IQCK: variants seen among roughly 807,000 people sequenced by gnomAD.
The protein encoded by IQCK is IQ domain-containing protein K.
Under a neutral mutation model 28.1 loss-of-function variants are expected in IQCK, and 29 were observed. The ratio of observed to expected loss-of-function variants is 1.03; its 90% confidence interval spans 0.77 to 1.41. The LOEUF (loss-of-function observed/expected upper bound fraction) is 1.41, where lower values mean the gene tolerates loss of function less well. Among genes scored for constraint, IQCK ranks in the 40% most tolerant of loss-of-function variants. The pLI, the probability that IQCK is intolerant of heterozygous loss-of-function variation, is 0.00. For synonymous variants in IQCK, 113 were observed against 115.1 expected, an observed-to-expected ratio of 0.98 and a Z score of 0.12; for missense variants, 359 against 314.7, an observed-to-expected ratio of 1.14 and a Z score of -1.07.
chr16:19,816,410 T>TA (rs2055989646), intron 7 of IQCK, among the ~76,000 whole-genome samples: 2 of 152,094 alleles, frequency 1.3e-5, no homozygotes, highest in African/African-American at 4.8e-5. Flanking sequence ...GCCTACCAAG[T>TA]AGCTGGGATT....
intron 2 of IQCK, 48 bp downstream of exon 2, chr16:19,730,542 A>G (rs774058724): frequency 3.6e-6 from 5 of 1,400,276 alleles, no homozygotes; most frequent in Non-Finnish European, 4.9e-6. Context: ...CTTAAATGAG[A>G]ATAGCATTGA....
intron 4 of IQCK, among the ~76,000 whole-genome samples, chr16:19,752,658 C>T (rs777795205): frequency 1.3e-5 from 2 of 152,172 alleles, no homozygotes; most frequent in Non-Finnish European, 2.9e-5. Flanking sequence ...TCTACCCCAG[C>T]TCTAACGATC....
intron 9 of IQCK, among the ~76,000 whole-genome samples, chr16:19,842,909 T>G (rs1449557248): frequency 2.0e-5 from 3 of 152,162 alleles, no homozygotes; most frequent in Admixed American, 2.0e-4. Context: ...GAATCTCAGA[T>G]GAGATAATGT....
chr16:19,780,209 T>A (rs1348701353), intron 6 of IQCK, among the ~76,000 whole-genome samples: 1 of 151,866 alleles, frequency 6.6e-6, no homozygotes, highest in Non-Finnish European at 1.5e-5. Context: ...GCCTGGCTAA[T>A]TTTTGTATTT....
At chr16:19,749,517 T>C (rs1316466890) in intron 4 of IQCK, among the ~76,000 whole-genome samples, 1 of 152,194 alleles carries the variant, frequency 6.6e-6, no homozygotes, top group African/African-American at 2.4e-5. Context: ...CTCAGGACTT[T>C]AGGAGGCTGA....
chr16:19,832,656 T>C (rs1000376466), intron 9 of IQCK, among the ~76,000 whole-genome samples: 11 of 152,226 alleles, frequency 7.2e-5, no homozygotes, highest in Non-Finnish European at 1.6e-4. Flanking sequence ...TTAATATTCG[T>C]ATACTGTATT....
At chr16:19,823,939 T>TAAAA (rs2056109141) in intron 7 of IQCK, among the ~76,000 whole-genome samples, 1 of 120,324 alleles carries the variant, frequency 8.3e-6, no homozygotes, top group Non-Finnish European at 1.7e-5. Context: ...TCTTAAAAAA[T>TAAAA]AAATAAATAA....
At chr16:19,819,287 G>T (rs2056032269) in intron 7 of IQCK, among the ~76,000 whole-genome samples, 1 of 151,988 alleles carries the variant, frequency 6.6e-6, no homozygotes, top group Non-Finnish European at 1.5e-5. Context: ...GAGGTCAGGA[G>T]TTTGAGACGA....
chr16:19,856,790 T>G, exon 10 of IQCK: 6 of 494,476 alleles, frequency 1.2e-5, no homozygotes, highest in Admixed American at 3.7e-5. Flanking sequence ...TCCAGATTAC[T>G]TCTTCAGTGC....
chr16:19,761,286 T>C (rs921789787), intron 4 of IQCK: 2 of 426,280 alleles, frequency 4.7e-6, no homozygotes, highest in South Asian at 1.7e-5. Context: ...TTTGGGGTGA[T>C]ACAATTCAAC....
rs190638519 is a variant in IQCK at position 19,744,062 on chromosome 16, A to G, written c.474+8612A>G. On this transcript the variant is annotated intron_variant, in intron 4 of 7. Coordinates refer to ENST00000564186, the Ensembl canonical transcript of IQCK. ...GTGTGGTACATGGTTCAGCAATTCC[A>G]TGATTCCAGCCTCTGGAATCAGGCA... 4.0e-3 allele frequency among the ~76,000 whole-genome samples: 615 copies of G among 152,264 alleles called. 3 individuals carry two copies. Among genetic ancestry groups the G allele is most frequent in the African/African-American group, 0.014 (565 of 41,550 alleles).
intron 4 of IQCK, among the ~76,000 whole-genome samples, chr16:19,750,739 G>A (rs2054975770): frequency 6.6e-6 from 1 of 152,200 alleles, no homozygotes; most frequent in African/African-American, 2.4e-5. Context: ...CGGGATTACA[G>A]ACGTGAGCCA....
chr16:19,760,760 G>A (rs1017660422), intron 4 of IQCK, among the ~76,000 whole-genome samples: 18 of 152,156 alleles, frequency 1.2e-4, no homozygotes, highest in African/African-American at 3.9e-4. Context: ...GGGCAAGTCC[G>A]TAAAGTGAAA....
At chr16:19,765,260 G>T in intron 6 of IQCK, among the ~76,000 whole-genome samples, 1 of 150,744 alleles carries the variant, frequency 6.6e-6, no homozygotes, top group South Asian at 2.1e-4. Flanking sequence ...ATATCTGGCC[G>T]GGCATGGTGG....
At chr16:19,744,046 A>G (rs1459141474) in intron 4 of IQCK, among the ~76,000 whole-genome samples, 2 of 152,162 alleles carry the variant, frequency 1.3e-5, no homozygotes, top group East Asian at 3.8e-4. Flanking sequence ...TGTGTGGTAC[A>G]TGGTTCAGCA....
At chr16:19,758,141 C>A (rs1347841199) in intron 4 of IQCK, among the ~76,000 whole-genome samples, 2 of 152,158 alleles carry the variant, frequency 1.3e-5, no homozygotes, top group Non-Finnish European at 2.9e-5. Flanking sequence ...CCCTGGGTGC[C>A]CTCGCTGTCT....
intron 7 of IQCK, among the ~76,000 whole-genome samples, chr16:19,809,004 T>G (rs2055867046): frequency 6.6e-6 from 1 of 152,214 alleles, no homozygotes; most frequent in East Asian, 1.9e-4. Flanking sequence ...ATTACAGGCA[T>G]GCGCCACCAC....
chr16:19,719,327 TA>T (rs1214640935), intron 1 of IQCK, among the ~76,000 whole-genome samples: 2 of 152,022 alleles, frequency 1.3e-5, no homozygotes, highest in Non-Finnish European at 2.9e-5. Flanking sequence ...CACTAGACCA[TA>T]AGCTCCTCAA....
downstream of IQCK, among the ~76,000 whole-genome samples, chr16:19,831,777 T>G (rs2141098522): frequency 6.6e-6 from 1 of 152,138 alleles, no homozygotes; most frequent in South Asian, 2.1e-4. Context: ...TTTTACCAAG[T>G]TCATAGCTTA....
Sources: allele counts gnomAD v4.1 joint callset (sites outside exome capture counted in the v4.1 genomes callset), GRCh38; gene constraint gnomAD v4.1.1; transcripts MANE v1.5; gene names NCBI Gene and HGNC (gene_info 2026-07-23, HGNC 2026-07-21).